The following RFESD variants were observed in gnomAD, a reference collection of about 807,000 sequenced individuals.
RFESD encodes the protein Rieske domain-containing protein.
RFESD carries 16 observed loss-of-function variants against 24.4 expected under a neutral mutation model. The observed-to-expected ratio is 0.66, with a 90% confidence interval of 0.44 to 1.00. The LOEUF (loss-of-function observed/expected upper bound fraction) is 1.00. Among genes scored for constraint, RFESD ranks in the 50% least tolerant of loss-of-function variants. The pLI, the probability that RFESD is intolerant of heterozygous loss-of-function variation, is 0.00. For synonymous variants in RFESD, 59 were observed against 81.8 expected (o/e 0.72, Z 1.50); for missense variants, 208 against 247.0 (o/e 0.84, Z 1.06).
intron 1 of RFESD, among the ~76,000 whole-genome samples, chr5:95,651,390 C>CT (rs1235329710): frequency 1.3e-5 from 2 of 152,026 alleles, no homozygotes; most frequent in Non-Finnish European, 2.9e-5. Context: ...CCACAGCAAA[C>CT]TTTTTTTAAA....
intron 1 of RFESD, 168 bp downstream of exon 1, chr5:95,646,985 C>T (rs1750126318): frequency 6.6e-6 from 1 of 152,408 alleles, no homozygotes; most frequent in Non-Finnish European, 1.5e-5. Context: ...CCAAGGCGGG[C>T]TTCCGCCCAG....
chr5:95,654,293 G>C (rs748359530), intron 4 of RFESD, 40 bp from the exon 5 acceptor site: 1 of 1,610,194 alleles, frequency 6.2e-7, no homozygotes, highest in Middle Eastern at 1.8e-4. Context: ...CAAAATTTCA[G>C]TTTTTTAGTG....
At chr5:95,648,056 G>A (rs181619203) in intron 1 of RFESD, 14 of 152,276 alleles carry the variant, frequency 9.2e-5, no homozygotes, top group African/African-American at 2.6e-4. Context: ...TCTTAGTCAT[G>A]GTTCAAGACG....
rs1249781192 is a variant in RFESD at position 95,652,281 on chromosome 5, T to G, written c.10T>G (p.Cys4Gly). The change falls in exon 2 of 6, where the codon TGT becomes GGT. Residue 4 changes from cysteine to glycine, a missense_variant. Cys to Gly is a radical substitution (Grantham distance 159, BLOSUM62 -3). Coordinates refer to ENST00000380005, the MANE Select transcript of RFESD (RefSeq NM_001131066.2). MLK[C>G]FRNCLRPSSL... ...TCCACCTGACCTCTAAATGTTGAAG[T>G]GTTTCAGGAATTGTCTTAGACCTTC... 1.3e-6 allele frequency: 2 copies of G among 1,550,344 alleles called. No individual in the cohort carries two copies. The highest frequency in any genetic ancestry group is 1.7e-6 in the Non-Finnish European group (2 of 1,146,226).
chr5:95,654,508 T>C (rs1750604718), intron 5 of RFESD, 141 bp downstream of exon 5: 5 of 655,194 alleles, frequency 7.6e-6, no homozygotes, highest in African/African-American at 3.7e-5. Context: ...ATGAGAAATA[T>C]GCTTATCTTT....
At chr5:95,647,816 A>T (rs148874455) in intron 1 of RFESD, 1 of 152,126 alleles carries the variant, frequency 6.6e-6, no homozygotes, top group Non-Finnish European at 1.5e-5. Flanking sequence ...ACTAATGCCT[A>T]CCCGTTGGCG....
At chr5:95,650,525 C>G (rs1325492992) in intron 1 of RFESD, among the ~76,000 whole-genome samples, 1 of 152,158 alleles carries the variant, frequency 6.6e-6, no homozygotes, top group African/African-American at 2.4e-5. Context: ...AAAGCTCACT[C>G]CTAACACACT....
intron 3 of RFESD, among the ~76,000 whole-genome samples, chr5:95,653,781 G>A (rs114562006): frequency 0.012 from 1,819 of 152,078 alleles, 22 homozygotes; most frequent in Middle Eastern, 0.051. Flanking sequence ...TCCTGTAATC[G>A]CAGCTACTCG....
Position 95,653,196 on chromosome 5 carries a change from T to G in RFESD, c.140T>G (p.Val47Gly). ...CATTTCAGCTCAGCTGTCATCTCAG[T>G]GACCAGTTTTTATCTGAGGTAAGAA... ...FGHFSSAVIS[V>G]TSFYLSMNLD... The change falls in exon 3 of 6, where the codon GTG becomes GGG. Residue 47 changes from valine to glycine, a missense_variant. Coordinates refer to ENST00000380005, the MANE Select transcript of RFESD (RefSeq NM_001131066.2). 6.4e-7 allele frequency: 1 copy of G among 1,551,742 alleles called. No individual in the cohort carries two copies.
intron 1 of RFESD, chr5:95,647,681 T>C (rs1372085769): frequency 3.9e-5 from 6 of 152,164 alleles, no homozygotes; most frequent in Admixed American, 2.6e-4. Context: ...GTGACAAATA[T>C]AAATATCAAT....
intron 1 of RFESD, chr5:95,647,371 CAT>C (rs1368718066): frequency 6.6e-6 from 1 of 152,208 alleles, no homozygotes; most frequent in Admixed American, 6.5e-5. Flanking sequence ...AAACATTTGA[CAT>C]GTGTTAAAGC....
At chr5:95,652,970 T>C in intron 2 of RFESD, 147 bp from the exon 3 acceptor site, 1 of 1,121,438 alleles carries the variant, frequency 8.9e-7, no homozygotes. Context: ...GTGGCTTTCC[T>C]TTGCTCTTAG....
intron 1 of RFESD, among the ~76,000 whole-genome samples, chr5:95,650,361 A>G (rs1750257961): frequency 6.6e-6 from 1 of 152,158 alleles, no homozygotes; most frequent in African/African-American, 2.4e-5. Flanking sequence ...CTCCCCATCA[A>G]CACACATGCA....
intron 1 of RFESD, among the ~76,000 whole-genome samples, chr5:95,649,997 A>T (rs983963474): frequency 6.6e-6 from 1 of 152,184 alleles, no homozygotes; most frequent in African/African-American, 2.4e-5. Flanking sequence ...CCAACTCTGA[A>T]GGCAAATACT....
chr5:95,649,785 G>T lies in RFESD; in HGVS notation c.-135-2352G>T, dbSNP rs910149066. ...CTTGCCCATTTTTCTATGATTATTT[G>T]TTCTTTTTTTACTGGCCTATAGGAG... On this transcript the variant is annotated intron_variant, in intron 1 of 5. Coordinates refer to ENST00000380005, the MANE Select transcript of RFESD (RefSeq NM_001131066.2). Among the ~76,000 whole-genome samples the T allele has an allele frequency of 2.6e-5, 4 of 152,124 alleles. No homozygotes were observed. The Middle Eastern group carries it at 0.01, about 388-fold the overall frequency.
intron 1 of RFESD, chr5:95,647,375 T>G (rs1750150323): frequency 6.6e-6 from 1 of 152,226 alleles, no homozygotes; most frequent in Non-Finnish European, 1.5e-5. Context: ...ATTTGACATG[T>G]GTTAAAGCAT....
At chr5:95,651,029 T>C (rs998016517) in intron 1 of RFESD, among the ~76,000 whole-genome samples, 4 of 138,374 alleles carry the variant, frequency 2.9e-5, no homozygotes, top group African/African-American at 1.1e-4. Flanking sequence ...ACCCAGGAGG[T>C]GGAGCTTGCA....
chr5:95,648,858 A>G (rs868782898), intron 1 of RFESD, among the ~76,000 whole-genome samples: 2 of 137,286 alleles, frequency 1.5e-5, no homozygotes, highest in African/African-American at 2.8e-5. Context: ...ATTATACTAC[A>G]TCTCTTGTAT....
At chr5:95,647,521 A>G (rs375342244) in intron 1 of RFESD, 2 of 152,216 alleles carry the variant, frequency 1.3e-5, no homozygotes, top group East Asian at 1.9e-4. Context: ...ACTCGTGATC[A>G]CAATTCAACA....
Sources: allele counts gnomAD v4.1 joint callset (sites outside exome capture counted in the v4.1 genomes callset), GRCh38; gene constraint gnomAD v4.1.1; transcripts MANE v1.5; gene names NCBI Gene and HGNC (gene_info 2026-07-23, HGNC 2026-07-21).